The following IL1RAPL2 variants were observed in gnomAD, a reference collection of about 807,000 sequenced individuals.
IL1RAPL2 encodes interleukin 1 receptor accessory protein like 2.
IL1RAPL2 carries 3 observed loss-of-function variants against 44.1 expected under a neutral mutation model. That is an observed-to-expected ratio of 0.07 (90% CI 0.03 to 0.18). The LOEUF is 0.18. Ranked by LOEUF, IL1RAPL2 falls within the 10% of genes least tolerant of loss-of-function variation. The pLI, the probability that IL1RAPL2 is intolerant of heterozygous loss-of-function variation, is 1.00. For missense variants in IL1RAPL2, 391 were observed against 496.4 expected (o/e 0.79, Z 2.02); for synonymous variants, 181 against 178.8 (o/e 1.01, Z -0.10).
intron 7 of IL1RAPL2, among the ~76,000 whole-genome samples, chrX:105,729,974 C>T (rs897622587): frequency 3.0e-4 from 32 of 107,175 alleles, no homozygotes; most frequent in African/African-American, 1.0e-3. Flanking sequence ...TACAAAACAA[C>T]CAGAAAGTAA....
At chrX:105,057,610 T>C (rs1189655384) in intron 2 of IL1RAPL2, among the ~76,000 whole-genome samples, 1 of 111,096 alleles carries the variant, frequency 9.0e-6, no homozygotes, top group East Asian at 2.8e-4. Context: ...AGTCCCCTTA[T>C]AATGAAGGAA....
chrX:104,798,375 T>A, intron 2 of IL1RAPL2, among the ~76,000 whole-genome samples: 1 of 110,375 alleles, frequency 9.1e-6, no homozygotes, highest in Admixed American at 9.7e-5. Context: ...TACAAGCTGA[T>A]AGGCCAGTTG....
At chrX:104,706,960 A>G (rs746858185) in intron 2 of IL1RAPL2, among the ~76,000 whole-genome samples, 2 of 111,850 alleles carry the variant, frequency 1.8e-5, no homozygotes, top group East Asian at 2.8e-4. Context: ...TCTTCCATTA[A>G]TGGAAAATTA....
chrX:104,877,323 T>G (rs1464819288), intron 2 of IL1RAPL2, among the ~76,000 whole-genome samples: 1 of 110,989 alleles, frequency 9.0e-6, no homozygotes, highest in East Asian at 2.9e-4. Context: ...CCACAATGGT[T>G]GAACTAGTTT....
intron 6 of IL1RAPL2, among the ~76,000 whole-genome samples, chrX:105,578,675 G>T (rs1034082534): frequency 9.0e-6 from 1 of 110,992 alleles, no homozygotes; most frequent in Non-Finnish European, 1.9e-5. Flanking sequence ...CTAAACTCTA[G>T]TGCCAATACT....
Position 105,323,669 on chromosome X carries a change from G to A in IL1RAPL2, c.697+56128G>A, listed in dbSNP as rs762206932. 5.4e-5 allele frequency among the ~76,000 whole-genome samples: 6 copies of A among 111,553 alleles called. 1 individual carries two copies. In the South Asian group the frequency reaches 2.3e-3, roughly 42 times the overall value. ...GGGGTAGATCACCTGAAGTCAGGAG[G>A]TTGAGACCAGCCTGGTGTCAACCAG... On this transcript the variant is annotated intron_variant, in intron 5 of 10. Coordinates refer to ENST00000372582, the MANE Select transcript of IL1RAPL2 (RefSeq NM_017416.2).
intron 2 of IL1RAPL2, among the ~76,000 whole-genome samples, chrX:104,932,581 T>TCA (rs1337592294): frequency 3.6e-5 from 4 of 111,185 alleles, no homozygotes; most frequent in Admixed American, 9.6e-5. Flanking sequence ...ATTCACAGTC[T>TCA]CACACACACA....
intron 3 of IL1RAPL2, chrX:105,219,604 T>G (rs1228131777): frequency 8.3e-7 from 1 of 1,208,199 alleles, no homozygotes; most frequent in Admixed American, 2.2e-5. Context: ...CACATCCCTC[T>G]GCTCTTCTTC....
intron 2 of IL1RAPL2, among the ~76,000 whole-genome samples, chrX:105,081,860 G>A (rs147911799): frequency 2.1e-3 from 232 of 112,008 alleles, no homozygotes; most frequent in African/African-American, 6.3e-3. Context: ...TTGATGTGCT[G>A]CTGGATTTAG....
intron 6 of IL1RAPL2, among the ~76,000 whole-genome samples, chrX:105,618,974 C>T (rs1741843999): frequency 9.0e-6 from 1 of 111,272 alleles, no homozygotes; most frequent in Non-Finnish European, 1.9e-5. Flanking sequence ...CTGCCTTATG[C>T]TCTTCCCATG....
chrX:104,885,356 A>G (rs756645525), intron 2 of IL1RAPL2, among the ~76,000 whole-genome samples: 1 of 111,743 alleles, frequency 8.9e-6, no homozygotes, highest in East Asian at 2.8e-4. Context: ...TAGAAGGACT[A>G]AGAAGAATTA....
intron 2 of IL1RAPL2, among the ~76,000 whole-genome samples, chrX:104,883,369 C>A (rs1923127333): frequency 9.0e-6 from 1 of 111,045 alleles, no homozygotes; most frequent in African/African-American, 3.3e-5. Context: ...GAGTTGGGAG[C>A]GTTGGTTTGC....
At chrX:104,976,266 C>T (rs1278843840) in intron 2 of IL1RAPL2, among the ~76,000 whole-genome samples, 2 of 110,750 alleles carry the variant, frequency 1.8e-5, no homozygotes, top group African/African-American at 6.6e-5. Context: ...GTCTCCATGA[C>T]TAATAAGAAT....
chrX:104,669,057 G>C (rs974136047), intron 2 of IL1RAPL2, among the ~76,000 whole-genome samples: 2 of 111,574 alleles, frequency 1.8e-5, no homozygotes, highest in Non-Finnish European at 3.8e-5. Flanking sequence ...GGCAGGAGAA[G>C]TTATGAGACT....
chrX:105,675,146 C>G lies in IL1RAPL2; in HGVS notation c.773-42221C>G, dbSNP rs771325931. ...ATTTCCTCCCTTCCGATTTGAATAC[C>G]CTTTATTTATTTCTCCTGCCTGGTT... is the stretch of plus-strand genomic sequence containing the variant. On this transcript the variant is annotated intron_variant, in intron 6 of 10. Transcript: ENST00000372582. Among the ~76,000 whole-genome samples, 3 of 111,088 alleles carry G rather than the reference C, an allele frequency of 2.7e-5. No individual in the cohort carries two copies. The East Asian group carries it at 8.5e-4, about 31-fold the overall frequency.
chrX:105,759,472 T>C (rs1490235617), intron 10 of IL1RAPL2, among the ~76,000 whole-genome samples: 1 of 112,111 alleles, frequency 8.9e-6, no homozygotes, highest in Non-Finnish European at 1.9e-5. Flanking sequence ...TCATGCATGA[T>C]TGCATTCAAG....
chrX:105,233,283 C>CA (rs782004673), intron 3 of IL1RAPL2, among the ~76,000 whole-genome samples: 80 of 111,143 alleles, frequency 7.2e-4, no homozygotes, highest in East Asian at 3.7e-3. Flanking sequence ...GGCGCCGTCT[C>CA]AAAAAAAATC....
intron 2 of IL1RAPL2, among the ~76,000 whole-genome samples, chrX:104,872,712 A>G (rs768465749): frequency 4.5e-5 from 5 of 111,655 alleles, no homozygotes; most frequent in African/African-American, 1.6e-4. Context: ...AACTACAGCC[A>G]ATTAATAGAT....
chrX:104,998,305 G>T (rs144997571), intron 2 of IL1RAPL2, among the ~76,000 whole-genome samples: 1,729 of 111,459 alleles, frequency 0.016, 33 homozygotes, highest in African/African-American at 0.053. Flanking sequence ...GGTGAAGTAT[G>T]GGTGGCAGAA....
Sources: allele counts gnomAD v4.1 joint callset (sites outside exome capture counted in the v4.1 genomes callset), GRCh38; gene constraint gnomAD v4.1.1; transcripts MANE v1.5; gene names NCBI Gene and HGNC (gene_info 2026-07-23, HGNC 2026-07-21).